Variants in LGALS8 observed in about 807,000 individuals in gnomAD.
The protein encoded by LGALS8 is galectin 8.
LGALS8 carries 30 observed loss-of-function variants against 35.9 expected under a neutral mutation model. The ratio of observed to expected loss-of-function variants is 0.83; its 90% CI spans 0.62 to 1.13. The LOEUF is 1.13. Ranked by LOEUF, LGALS8 falls within the 50% of genes most tolerant of loss-of-function variation. The pLI, the probability that LGALS8 is intolerant of heterozygous loss-of-function variation, is 0.00. For missense variants in LGALS8, 366 were observed against 388.7 expected, an observed-to-expected ratio of 0.94 and a Z score of 0.49; for synonymous variants, 138 against 136.1, an observed-to-expected ratio of 1.01 and a Z score of -0.10.
chr1:236,522,332 G>T (rs1041990080), upstream of LGALS8, among the ~76,000 whole-genome samples: 1 of 152,144 alleles, frequency 6.6e-6, no homozygotes, highest in Non-Finnish European at 1.5e-5. Context: ...GGCCCAGCTT[G>T]GTGTCTCATG....
intron 4 of LGALS8, 50 bp downstream of exon 4, chr1:236,539,139 C>A (rs748449159): frequency 7.0e-7 from 1 of 1,419,300 alleles, no homozygotes; most frequent in East Asian, 2.3e-5. Context: ...AGCAGGAGTG[C>A]ACAGGGGTGC....
chr1:236,544,754 A>T lies in LGALS8; in HGVS notation c.643A>T (p.Asn215Tyr). The change falls in exon 9 of 10, where the codon AAT becomes TAT. Residue 215 changes from asparagine to tyrosine, a missense_variant. By Grantham distance (143) the Asn-to-Tyr change is moderately radical. Coordinates refer to ENST00000366584, the MANE Select transcript of LGALS8 (RefSeq NM_201544.4). ...GEVNANAKSF[N>Y]VDLLAGKSKD... is the part of the protein sequence containing the mutation. ...TTTTTCTTTCTTTCTCAAAAGCTTT[A>T]ATGTTGACCTACTAGCAGGAAAATC... 2 of 1,592,128 alleles carry T rather than the reference A, an allele frequency of 1.3e-6. No individual in the cohort carries two copies. Among genetic ancestry groups the T allele is most frequent in the Non-Finnish European group, 1.7e-6 (2 of 1,171,922 alleles).
chr1:236,543,605 C>T lies in LGALS8; in HGVS notation c.595C>T (p.Arg199Ter), dbSNP rs370852798. 2.0e-4 allele frequency: 318 copies of T among 1,614,048 alleles called. 2 individuals carry two copies. Among genetic ancestry groups the T allele is most frequent in the Non-Finnish European group, 2.4e-4 (285 of 1,179,964 alleles). ...GTTGAACACCCCCATGGGCCCTGGA[C>T]GAACTGTCGTCGTTAAAGGAGAAGT... ...ARLNTPMGPG[R>*]TVVVKGEVNA... The change falls in exon 8 of 10, where the codon CGA (arginine) becomes TGA (stop). Residue 199 changes from arginine (R) to a stop codon, truncating the protein, a stop_gained. Coordinates refer to ENST00000366584, the MANE Select transcript of LGALS8 (RefSeq NM_201544.4). LOFTEE classifies it high-confidence loss of function.
chr1:236,536,664 A>T (rs76715851), intron 2 of LGALS8: 5,093 of 152,554 alleles, frequency 0.033, 114 homozygotes, highest in African/African-American at 0.063. Context: ...AGTCCAGCAG[A>T]GAAGAGCAGG....
At chr1:236,524,560 A>G (rs1660706025) in intron 1 of LGALS8, 1 of 387,756 alleles carries the variant, frequency 2.6e-6, no homozygotes, top group South Asian at 1.8e-5. Context: ...AGTGTTAAAC[A>G]TTGCAAAGCG....
intron 9 of LGALS8, among the ~76,000 whole-genome samples, chr1:236,545,668 G>A (rs2243960): frequency 0.62 from 94,338 of 152,026 alleles, 30,022 homozygotes; most frequent in Non-Finnish European, 0.69. Context: ...ATATCAGGCG[G>A]AATAGATAGC....
chr1:236,529,905 G>A (rs969659466), intron 2 of LGALS8, among the ~76,000 whole-genome samples: 1 of 151,974 alleles, frequency 6.6e-6, no homozygotes, highest in Non-Finnish European at 1.5e-5. Context: ...CGCCCGCCTC[G>A]GCCTCCCAAA....
rs1349166821 is a variant in LGALS8, at chr1:236,549,594, T to A, written c.*1433T>A. The A allele has an allele frequency of 6.6e-6, 1 of 152,238 alleles. No individual in the cohort carries two copies. The highest frequency in any genetic ancestry group is 1.5e-5 in the Non-Finnish European group (1 of 68,054). 9.4% of individuals were successfully genotyped at this position (152,238 alleles called of 1,614,324 possible). A position where few individuals can be genotyped will look rare whatever the true frequency, so the allele number is the denominator to read the frequency against. The stretch of plus-strand genomic sequence containing the variant: ...ATTCTTTTCCAGCTTTTCATATTAA[T>A]GTATGCAGAGTCTCACCAAGCTCAA... On this transcript the variant is annotated 3_prime_UTR_variant, in exon 10 of 10. Coordinates refer to ENST00000366584, the MANE Select transcript of LGALS8 (RefSeq NM_201544.4).
In LGALS8 at chr1:236,548,025, G is replaced by GTGA. The variant is rs1558170496; in HGVS notation, c.821_823dup (p.Asp274dup). The GTGA allele has an allele frequency of 6.2e-7, 1 of 1,611,068 alleles. No individual in the cohort carries two copies. On this transcript the variant is annotated inframe_insertion, in exon 10 of 10. Transcript: ENST00000366584. ...CTTTCCTTTCAGATGATAATTTATT[G>GTGA]TGATGTTAGAGAATTCAAGGTTGCA...
At chr1:236,521,127 G>A (rs1430509401), upstream of LGALS8, among the ~76,000 whole-genome samples, 2 of 152,190 alleles carry the variant, frequency 1.3e-5, no homozygotes, top group African/African-American at 4.8e-5. Flanking sequence ...TGCCCTCATG[G>A]AGTTTATAGT....
chr1:236,537,934 T>TTTA (rs146620270), intron 3 of LGALS8, among the ~76,000 whole-genome samples: 3 of 128,882 alleles, frequency 2.3e-5, no homozygotes, highest in African/African-American at 9.9e-5. Context: ...CCCCCATCTG[T>TTTA]AAAAAAAAAA....
In LGALS8 at chr1:236,526,030, A is replaced by G. The variant is rs201679616; in HGVS notation, c.-41A>G. The G allele has an allele frequency of 3.3e-5, 52 of 1,562,356 alleles. No individual in the cohort carries two copies. The Admixed American group carries it at 8.7e-4, about 26-fold the overall frequency. On this transcript the variant is annotated 5_prime_UTR_variant, in exon 2 of 10. Transcript: ENST00000366584. The surrounding 1 kb of genome is among the most constrained non-coding windows in gnomAD (Gnocchi z 4.6). ...TGAAACTTGCCTAAAATCTTAGGTC[A>G]TACACAGAAGAGACTCCAATCGACA...
Position 236,540,458 on chromosome 1 carries a change from GGTATAAAACT to G in LGALS8, c.346-104_346-95del. The G allele has an allele frequency of 2.3e-6, 3 of 1,276,674 alleles. 1 individual carries two copies. The highest frequency in any genetic ancestry group is 3.1e-6 in the Non-Finnish European group (3 of 953,018). The allele number at this position is 1,276,674 out of a possible 1,614,324, so 79.1% of individuals were successfully genotyped here. A position where few individuals can be genotyped will look rare whatever the true frequency, so the allele number is the denominator to read the frequency against. ...ATGTGTGTGGAGACCTGTGGGAACA[GGTATAAAACT>G]GGACGCAAGGAAACATTTAAATTTG... On this transcript the variant is annotated intron_variant, in intron 4 of 9. Transcript: ENST00000366584.
At position 236,538,101 on chromosome 1, in the gene LGALS8, A is replaced by AAAAAAAAG. The variant is rs371245157; in HGVS notation, c.134+519_134+520insAAAAGAAA. 3.1e-4 allele frequency among the ~76,000 whole-genome samples: 30 copies of AAAAAAAAG among 96,052 alleles called. 5 individuals carry two copies. The highest frequency in any genetic ancestry group is 2.2e-3 in the Admixed American group (19 of 8,488). The allele number at this position is 96,052 out of a possible 152,430, so 63.0% of individuals were successfully genotyped here. ...GCCTGGGTGACAAAAAAAAAAAAGA[A>AAAAAAAAG]AAAGAAAAAGAATTAGGTATGTCAT... On this transcript the variant is annotated intron_variant, in intron 3 of 9. Coordinates refer to ENST00000366584, the MANE Select transcript of LGALS8 (RefSeq NM_201544.4).
Position 236,543,571 on chromosome 1 carries a change from C to G in LGALS8, c.561C>G (p.Phe187Leu). The change falls in exon 8 of 10, where the codon TTC becomes TTG. Residue 187 changes from phenylalanine to leucine, a missense_variant. Coordinates refer to ENST00000366584, the MANE Select transcript of LGALS8 (RefSeq NM_201544.4). ...TGGCTTCTTTTCAGAGGCTGCCATT[C>G]GCTGCAAGGTTGAACACCCCCATGG... ...KSGTPQLRLP[F>L]AARLNTPMGP... The G allele has an allele frequency of 6.2e-7, 1 of 1,613,724 alleles. No homozygotes were observed. The highest frequency in any genetic ancestry group is 8.5e-7 in the Non-Finnish European group (1 of 1,179,684).
At chr1:236,547,471 G>T (rs980253313) in intron 9 of LGALS8, among the ~76,000 whole-genome samples, 2 of 152,166 alleles carry the variant, frequency 1.3e-5, no homozygotes, top group Non-Finnish European at 2.9e-5. Context: ...CCAAGCAGCT[G>T]TAAAAACCCT....
intron 9 of LGALS8, among the ~76,000 whole-genome samples, chr1:236,547,109 C>A (rs58158181): frequency 0.088 from 13,466 of 152,230 alleles, 994 homozygotes; most frequent in African/African-American, 0.19. Flanking sequence ...AGCAGCAAGG[C>A]TGAGCTGCCC....
At chr1:236,547,519 G>T (rs753463569) in intron 9 of LGALS8, among the ~76,000 whole-genome samples, 1 of 149,716 alleles carries the variant, frequency 6.7e-6, no homozygotes, top group Non-Finnish European at 1.5e-5. Flanking sequence ...CATATTAATT[G>T]TCTGGTTTGT....
At chr1:236,534,725 T>C (rs1018236478) in intron 2 of LGALS8, among the ~76,000 whole-genome samples, 3 of 152,142 alleles carry the variant, frequency 2.0e-5, no homozygotes, top group African/African-American at 7.2e-5. Context: ...TTTCTCAAAC[T>C]GGAACAACCT....
Sources: gnomAD v4.1 joint callset for allele counts (sites outside exome capture counted in the v4.1 genomes callset) on GRCh38, gnomAD v4.1.1 for gene constraint, Gnocchi (gnomAD v3.1) non-coding constraint, MANE v1.5 for transcripts, NCBI Gene and HGNC (gene_info 2026-07-23, HGNC 2026-07-21) for gene names.